The following UBE2D3 variants were observed in gnomAD, a reference collection of about 807,000 sequenced individuals.
The protein encoded by UBE2D3 is ubiquitin conjugating enzyme E2 D3, also known as ubiquitin-conjugating enzyme E2 D3.
A neutral mutation model predicts 22.8 loss-of-function variants in UBE2D3; 2 were observed. The observed-to-expected ratio is 0.09, with a 90% CI of 0.04 to 0.28. The LOEUF (loss-of-function observed/expected upper bound fraction) is 0.28. Ranked by LOEUF, UBE2D3 falls within the 10% of genes least tolerant of loss-of-function variation. The pLI is 1.00. For synonymous variants in UBE2D3, 56 were observed against 60.4 expected, an observed-to-expected ratio of 0.93 and a Z score of 0.34; for missense variants, 27 against 182.5, an observed-to-expected ratio of 0.15 and a Z score of 4.91.
chr4:102,822,659 C>A (rs1265492407), intron 2 of UBE2D3, among the ~76,000 whole-genome samples: 1 of 147,916 alleles, frequency 6.8e-6, no homozygotes, highest in South Asian at 2.1e-4. Context: ...AGGGCCAGGC[C>A]ACGTGGTGGC....
chr4:102,865,491 CAA>C (rs10604973), intron 1 of UBE2D3, among the ~76,000 whole-genome samples: 20 of 66,674 alleles, frequency 3.0e-4, no homozygotes, highest in Admixed American at 6.0e-4. Flanking sequence ...CTGTCTCAAC[CAA>C]AAAAAAAAAA....
intron 1 of UBE2D3, among the ~76,000 whole-genome samples, chr4:102,851,960 G>C (rs1482665491): frequency 6.6e-6 from 1 of 152,004 alleles, no homozygotes; most frequent in African/African-American, 2.4e-5. Context: ...GTGAGCCACC[G>C]TGCCCGGCAG....
chr4:102,868,645 C>A (rs1410063995), intron 1 of UBE2D3: 2 of 1,610,594 alleles, frequency 1.2e-6, no homozygotes, highest in African/African-American at 2.7e-5. Context: ...AACCCTAGGG[C>A]CACAGCACCC....
intron 2 of UBE2D3, among the ~76,000 whole-genome samples, chr4:102,814,159 G>C (rs1728458175): frequency 6.6e-6 from 1 of 151,846 alleles, no homozygotes; most frequent in African/African-American, 2.4e-5. Context: ...TCATATCGCA[G>C]TTCAACAATC....
At chr4:102,798,289 T>C (rs901532064) in intron 7 of UBE2D3, among the ~76,000 whole-genome samples, 1 of 147,196 alleles carries the variant, frequency 6.8e-6, no homozygotes, top group Non-Finnish European at 1.5e-5. Context: ...AATATATATA[T>C]ATATATATGC....
chr4:102,856,131 C>T (rs1379474557), intron 1 of UBE2D3, among the ~76,000 whole-genome samples: 1 of 152,124 alleles, frequency 6.6e-6, no homozygotes, highest in South Asian at 2.1e-4. Flanking sequence ...TGTGAAAGGC[C>T]TAGGCAGGCA....
intron 1 of UBE2D3, 188 bp from the exon 2 acceptor site, chr4:102,826,824 A>G: frequency 8.3e-7 from 1 of 1,209,316 alleles, no homozygotes. Flanking sequence ...GGTGGTGGCT[A>G]CAAGTTTAAC....
At chr4:102,820,756 C>A (rs1729475653) in intron 2 of UBE2D3, among the ~76,000 whole-genome samples, 1 of 151,888 alleles carries the variant, frequency 6.6e-6, no homozygotes, top group Non-Finnish European at 1.5e-5. Flanking sequence ...ACAAAAAAAA[C>A]AAAGATTAAC....
intron 1 of UBE2D3, 47 bp from the exon 2 acceptor site, chr4:102,826,683 G>T: frequency 6.7e-7 from 1 of 1,491,978 alleles, no homozygotes. Context: ...GCCCCGAAGA[G>T]CCCCTGATGA....
chr4:102,816,101 G>C (rs1445596005), intron 2 of UBE2D3, among the ~76,000 whole-genome samples: 1 of 152,184 alleles, frequency 6.6e-6, no homozygotes, highest in Non-Finnish European at 1.5e-5. Flanking sequence ...TTTGTAGCTA[G>C]CAGACATTTT....
chr4:102,828,069 G>A (rs185005383), upstream of UBE2D3: 28 of 985,462 alleles, frequency 2.8e-5, no homozygotes, highest in African/African-American at 4.0e-4. Context: ...AAATGCATAA[G>A]TTCTCGCGAG....
intron 5 of UBE2D3, 160 bp from the exon 6 acceptor site, chr4:102,801,719 G>GC: frequency 6.2e-6 from 3 of 485,358 alleles, no homozygotes; most frequent in Non-Finnish European, 1.0e-5. Flanking sequence ...ACAACCCCCT[G>GC]CCTCCTCTTT....
rs375664497 is a variant in UBE2D3 at position 102,820,159 on chromosome 4, G to A, written c.24+6326C>T. ...CCAACAATAGAGGTCGAAGTGCAGT[G>A]CAATTAGCTGTCCATCAGGCAGACA... On this transcript the variant is annotated intron_variant, in intron 2 of 7. Transcript: ENST00000453744. Among the ~76,000 whole-genome samples the A allele has an allele frequency of 7.2e-5, 11 of 152,298 alleles. 1 individual carries two copies. The East Asian group carries it at 1.3e-3, about 19-fold the overall frequency.
At chr4:102,827,072 T>TA (rs1443115242) in intron 1 of UBE2D3, 1 of 988,912 alleles carries the variant, frequency 1.0e-6, no homozygotes, top group Non-Finnish European at 1.2e-6. Flanking sequence ...AGGAAGGAAA[T>TA]AAAGGAAGGG....
At chr4:102,858,194 T>C (rs1163821265) in intron 1 of UBE2D3, among the ~76,000 whole-genome samples, 1 of 152,030 alleles carries the variant, frequency 6.6e-6, no homozygotes, top group African/African-American at 2.4e-5. Context: ...TAAAACACCA[T>C]GATTTGGCAT....
chr4:102,840,593 G>C (rs1731696409), intron 1 of UBE2D3, among the ~76,000 whole-genome samples: 1 of 152,144 alleles, frequency 6.6e-6, no homozygotes, highest in African/African-American at 2.4e-5. Context: ...GGGGGATGAA[G>C]AGACGTTGGT....
At chr4:102,853,140 T>TTTTTTTTTC (rs1732452822) in intron 1 of UBE2D3, among the ~76,000 whole-genome samples, 1 of 110,876 alleles carries the variant, frequency 9.0e-6, no homozygotes. Flanking sequence ...CACACATTTT[T>TTTTTTTTTC]TTTTTTTTTT....
At chr4:102,827,989 A>G (rs919947303), upstream of UBE2D3, 69 of 985,350 alleles carry the variant, frequency 7.0e-5, no homozygotes, top group Non-Finnish European at 8.0e-5. Flanking sequence ...TGGCTGGCTA[A>G]CCGAAGCGGT....
At chr4:102,819,316 C>T (rs964605002) in intron 2 of UBE2D3, among the ~76,000 whole-genome samples, 2 of 142,594 alleles carry the variant, frequency 1.4e-5, no homozygotes, top group Non-Finnish European at 3.0e-5. Flanking sequence ...GGCAGCTGAC[C>T]AAGACTCCGC....
Sources: allele counts gnomAD v4.1 joint callset (sites outside exome capture counted in the v4.1 genomes callset), GRCh38; gene constraint gnomAD v4.1.1; transcripts MANE v1.5; gene names NCBI Gene and HGNC (gene_info 2026-07-23, HGNC 2026-07-21).